Variants in KCTD15 observed in about 807,000 individuals in gnomAD.
KCTD15 encodes the protein BTB/POZ domain-containing protein KCTD15.
KCTD15 carries 11 observed loss-of-function variants against 27.2 expected under a neutral mutation model. The ratio of observed to expected loss-of-function variants is 0.41; its 90% CI spans 0.25 to 0.67. KCTD15 has a LOEUF of 0.67. Ranked by LOEUF, KCTD15 falls within the 30% of genes least tolerant of loss-of-function variation. The probability of loss-of-function intolerance (pLI) is 0.35; values close to 1 mark genes in which losing one functional copy is unlikely to be tolerated. For missense variants in KCTD15, 350 were observed against 409.3 expected (o/e 0.86, Z 1.25); for synonymous variants, 163 against 176.0 (o/e 0.93, Z 0.58).
chr19:33,801,437 TC>T, intron 4 of KCTD15, 95 bp downstream of exon 4: 1 of 1,123,668 alleles, frequency 8.9e-7, no homozygotes, highest in Non-Finnish European at 1.2e-6. Flanking sequence ...CCACTGTCAC[TC>T]CACCCACCAG....
rs1024709421 is a variant in KCTD15 at position 33,811,303 on chromosome 19, C to A, written c.444C>A (p.Arg148=). ...ARYYQLQPMV[R]ELERWQQEQE... is the part of the protein sequence containing the mutation. ...ACTATCAGCTCCAGCCCATGGTGCG[C>A]GAGCTGGAGCGCTGGCAGCAGGAGC... is the stretch of plus-strand genomic sequence containing the variant. The change falls in exon 6 of 7, where the codon CGC becomes CGA. Residue 148 remains arginine, a synonymous_variant. Coordinates refer to ENST00000683859, the MANE Select transcript of KCTD15 (RefSeq NM_001129994.2). The A allele has an allele frequency of 6.5e-7, 1 of 1,547,984 alleles. No individual in the cohort carries two copies. The highest frequency in any genetic ancestry group is 8.7e-7 in the Non-Finnish European group (1 of 1,146,052).
chr19:33,811,394 G>T lies in KCTD15; in HGVS notation c.535G>T (p.Glu179Ter). 1 of 1,605,196 alleles carries T rather than the reference G, an allele frequency of 6.2e-7. No individual in the cohort carries two copies. ...LVVRVTPDLG[E>*]RIALSGEKAL... is the part of the protein sequence containing the mutation. The stretch of plus-strand genomic sequence containing the variant: ...GGTGCGCGTCACGCCCGACTTGGGC[G>T]AGCGGATCGCACTCAGCGGCGAGAA... Residue 179 changes from glutamate to a stop codon, truncating the protein, a stop_gained, in exon 6 of 7, where the codon GAG becomes TAG. Coordinates refer to ENST00000683859, the MANE Select transcript of KCTD15 (RefSeq NM_001129994.2). LOFTEE classifies it high-confidence loss of function.
At chr19:33,805,571 C>T (rs543842430) in intron 4 of KCTD15, among the ~76,000 whole-genome samples, 4 of 152,176 alleles carry the variant, frequency 2.6e-5, no homozygotes, top group East Asian at 1.9e-4. Flanking sequence ...GTGTGCAGGC[C>T]GGGCTGGGAA....
Position 33,800,434 on chromosome 19 carries a change from T to C in KCTD15, c.-21T>C, listed in dbSNP as rs1022508993. ...TTGTCGATGCCTCCCGCAGATACTCTGGGCAGGGATGGAAGCCTAGATGCC... is the reference window on the plus strand; with the variant it reads ...TTGTCGATGCCTCCCGCAGATACTCCGGGCAGGGATGGAAGCCTAGATGCC... On this transcript the variant is annotated 5_prime_UTR_variant, in exon 3 of 7. Coordinates refer to ENST00000683859, the MANE Select transcript of KCTD15 (RefSeq NM_001129994.2). The C allele has an allele frequency of 5.6e-6, 9 of 1,597,362 alleles. No individual in the cohort carries two copies. The African/African-American group carries it at 1.2e-4, about 21-fold the overall frequency.
chr19:33,810,432 C>T (rs942420517), intron 5 of KCTD15, among the ~76,000 whole-genome samples: 1 of 152,146 alleles, frequency 6.6e-6, no homozygotes, highest in African/African-American at 2.4e-5. Flanking sequence ...CAGTGGCTCA[C>T]GCCTTGGGAG....
chr19:33,797,631 G>A (rs1397016272), intron 1 of KCTD15, among the ~76,000 whole-genome samples: 1 of 152,044 alleles, frequency 6.6e-6, no homozygotes, highest in Admixed American at 6.5e-5. Context: ...CCCTGACCTG[G>A]ACGCGCGCAC....
chr19:33,806,816 A>G lies in KCTD15; in HGVS notation c.243-47A>G, dbSNP rs767333999. 11 of 1,599,684 alleles carry G rather than the reference A, an allele frequency of 6.9e-6. No individual in the cohort carries two copies. In the South Asian group the frequency reaches 8.9e-5, roughly 13 times the overall value. On this transcript the variant is annotated intron_variant, in intron 4 of 6. Transcript: ENST00000683859. ...GGGCGGGGTGTGGGAAGACAGGCAG[A>G]CTTGTCCCCATCCCTTCAGACATCC...
At chr19:33,810,512 T>C (rs1473453630) in intron 5 of KCTD15, among the ~76,000 whole-genome samples, 1 of 151,908 alleles carries the variant, frequency 6.6e-6, no homozygotes, top group Non-Finnish European at 1.5e-5. Flanking sequence ...AAACCCCATC[T>C]CTACTAAAAA....
intron 6 of KCTD15, chr19:33,812,088 A>G (rs1016548059): frequency 7.5e-6 from 10 of 1,330,004 alleles, no homozygotes; most frequent in African/African-American, 3.0e-5. Context: ...AGCTTGGCAC[A>G]TTTCCGGGTT....
chr19:33,801,639 C>T (rs983638201), intron 4 of KCTD15: 7 of 294,280 alleles, frequency 2.4e-5, no homozygotes, highest in Non-Finnish European at 4.4e-5. Context: ...CTGAGCCTGC[C>T]GGCAGCGGGC....
chr19:33,813,107 A>C lies in KCTD15; in HGVS notation c.*159A>C, dbSNP rs935832133. ...CCAGGGTCCCAGGTGTCATGGCAAC[A>C]GAACGTGGGATGCTGGAGGCATGCC... On this transcript the variant is annotated 3_prime_UTR_variant, in exon 7 of 7. Transcript: ENST00000683859. 7 of 711,704 alleles carry C rather than the reference A, an allele frequency of 9.8e-6. No homozygotes were observed. The highest frequency in any genetic ancestry group is 1.7e-5 in the Non-Finnish European group (7 of 421,364). 44.1% of individuals were successfully genotyped at this position (711,704 alleles called of 1,614,324 possible). A position where few individuals can be genotyped will look rare whatever the true frequency, so the allele number is the denominator to read the frequency against.
At position 33,815,048 on chromosome 19, in the gene KCTD15, C is replaced by T. The variant is rs1976052248; in HGVS notation, c.*2100C>T. The T allele has an allele frequency of 6.6e-6, 1 of 152,188 alleles. No individual in the cohort carries two copies. Among genetic ancestry groups the T allele is most frequent in the African/African-American group, 2.4e-5 (1 of 41,438 alleles). 9.4% of individuals were successfully genotyped at this position (152,188 alleles called of 1,614,324 possible). A position where few individuals can be genotyped will look rare whatever the true frequency, so the allele number is the denominator to read the frequency against. On this transcript the variant is annotated 3_prime_UTR_variant, in exon 7 of 7. Transcript: ENST00000683859. ...GAGGAGAAAGTGTTGTGTTTATTAG[C>T]AGGAAGTCTTGTGAAAACAGCTCGC...
At chr19:33,811,660 C>A (rs752587198) in intron 6 of KCTD15, 108 bp downstream of exon 6, 1 of 1,502,974 alleles carries the variant, frequency 6.7e-7, no homozygotes, top group African/African-American at 1.4e-5. Context: ...GGTGAAGCCC[C>A]CCGTGCCATC....
chr19:33,810,201 A>G (rs1975847125), intron 5 of KCTD15, among the ~76,000 whole-genome samples: 1 of 152,154 alleles, frequency 6.6e-6, no homozygotes, highest in Non-Finnish European at 1.5e-5. Flanking sequence ...TGGGGCCAGT[A>G]TCAGCGCCTG....
At chr19:33,812,678 C>T in intron 6 of KCTD15, 112 bp from the exon 7 acceptor site, 2 of 1,392,452 alleles carry the variant, frequency 1.4e-6, no homozygotes, top group African/African-American at 1.5e-5. Context: ...GAGATCGTCA[C>T]AGGAGAAGGT....
intron 2 of KCTD15, 95 bp from the exon 3 acceptor site, chr19:33,800,329 CAGAG>C (rs1599670360): frequency 4.1e-6 from 4 of 977,982 alleles, no homozygotes; most frequent in Admixed American, 2.0e-5. Context: ...CGCAGGGTCT[CAGAG>C]AGCATGCAGA....
rs191630212 is a variant in KCTD15, at chr19:33,815,420, C to T, written c.*2472C>T. The T allele has an allele frequency of 2.0e-5, 3 of 152,212 alleles. No homozygotes were observed. Among genetic ancestry groups the T allele is most frequent in the Non-Finnish European group, 4.4e-5 (3 of 68,026 alleles). 9.4% of individuals were successfully genotyped at this position (152,212 alleles called of 1,614,324 possible). On this transcript the variant is annotated 3_prime_UTR_variant, in exon 7 of 7. Transcript: ENST00000683859. ...TTATCATTCCTTTAAAGCATTTTTA[C>T]ACTTCCTGGAATGAGTATATTATCA...
intron 4 of KCTD15, among the ~76,000 whole-genome samples, chr19:33,805,289 C>T (rs185905213): frequency 1.1e-4 from 17 of 152,278 alleles, no homozygotes; most frequent in African/African-American, 4.1e-4. Flanking sequence ...ACTCCATACC[C>T]GGGCAGACCA....
intron 4 of KCTD15, among the ~76,000 whole-genome samples, chr19:33,802,640 G>A (rs933187272): frequency 5.3e-5 from 8 of 152,200 alleles, no homozygotes; most frequent in Non-Finnish European, 1.0e-4. Flanking sequence ...CAAGAGCCAC[G>A]GGGCCAGGTC....
Sources: allele counts gnomAD v4.1 joint callset (sites outside exome capture counted in the v4.1 genomes callset), GRCh38; gene constraint gnomAD v4.1.1; transcripts MANE v1.5; gene names NCBI Gene and HGNC (gene_info 2026-07-23, HGNC 2026-07-21).